Variants in ERC2 observed in about 807,000 individuals in gnomAD.
ERC2 encodes ERC protein 2.
ERC2 carries 42 observed loss-of-function variants against 114.8 expected under a neutral mutation model. That is an observed-to-expected ratio of 0.37 (90% confidence interval 0.29 to 0.47). The LOEUF is 0.47. Ranked by LOEUF, ERC2 falls within the 20% of genes least tolerant of loss-of-function variation. ERC2 has a pLI of 0.99. For missense variants in ERC2, 939 were observed against 1,150.7 expected, an observed-to-expected ratio of 0.82 and a Z score of 2.66; for synonymous variants, 454 against 425.5, an observed-to-expected ratio of 1.07 and a Z score of -0.82.
intron 7 of ERC2, among the ~76,000 whole-genome samples, chr3:56,055,416 A>G (rs1214201186): frequency 6.6e-6 from 1 of 152,100 alleles, no homozygotes; most frequent in African/African-American, 2.4e-5. Context: ...TTTTTTTCAG[A>G]CAATAAAATA....
In ERC2 at chr3:55,610,080, A is replaced by C. The variant is rs868632857; in HGVS notation, c.*39+73714T>G. On this transcript the variant is annotated intron_variant, in intron 17 of 17. Coordinates refer to ENST00000288221, the MANE Select transcript of ERC2 (RefSeq NM_015576.3). ...AAACACAAACAAAAAAAAAAAAAAA[A>C]AAAACAAGAATTCCTCTAATTTAAG... is the stretch of plus-strand genomic sequence containing the variant. 1.1e-4 allele frequency among the ~76,000 whole-genome samples: 17 copies of C among 151,944 alleles called. No individual in the cohort carries two copies. The South Asian group carries it at 2.5e-3, about 22-fold the overall frequency.
chr3:56,164,735 T>C (rs572279992), intron 4 of ERC2, among the ~76,000 whole-genome samples: 2 of 152,158 alleles, frequency 1.3e-5, no homozygotes, highest in South Asian at 2.1e-4. Context: ...ATTCTAATTA[T>C]TCACATCCTC....
intron 6 of ERC2, among the ~76,000 whole-genome samples, chr3:56,110,991 A>G (rs113380210): frequency 6.6e-6 from 1 of 152,020 alleles, no homozygotes; most frequent in African/African-American, 2.4e-5. Context: ...TGTCTCCCAG[A>G]TGTTTTCAAG....
In ERC2 at chr3:55,838,601, A is replaced by G. The variant is rs761915159; in HGVS notation, c.2564+49788T>C. Among the ~76,000 whole-genome samples the G allele has an allele frequency of 5.1e-4, 77 of 152,116 alleles. 1 individual carries two copies. Among genetic ancestry groups the G allele is most frequent in the South Asian group, 8.3e-4 (4 of 4,832 alleles). On this transcript the variant is annotated intron_variant, in intron 14 of 17. Coordinates refer to ENST00000288221, the MANE Select transcript of ERC2 (RefSeq NM_015576.3). Reference sequence around the variant, plus strand: ...ACTAAATGTTTTATTAGGAAACAAGAAAGGTCTATCAATCAAATTGAAATT... The same window carrying G: ...ACTAAATGTTTTATTAGGAAACAAGGAAGGTCTATCAATCAAATTGAAATT...
chr3:55,846,111 C>T (rs1391066855), intron 14 of ERC2, among the ~76,000 whole-genome samples: 3 of 152,156 alleles, frequency 2.0e-5, no homozygotes, highest in African/African-American at 4.8e-5. Context: ...AAGCCTAATA[C>T]CCAATAGTTA....
At chr3:55,829,183 T>G (rs1296938727) in intron 14 of ERC2, among the ~76,000 whole-genome samples, 2 of 152,052 alleles carry the variant, frequency 1.3e-5, no homozygotes, top group African/African-American at 4.8e-5. Flanking sequence ...GTAACCAATT[T>G]TGAAAGGAAA....
At chr3:55,937,148 C>T (rs2066494910) in intron 13 of ERC2, among the ~76,000 whole-genome samples, 1 of 152,152 alleles carries the variant, frequency 6.6e-6, no homozygotes, top group South Asian at 2.1e-4. Context: ...TGAGACCAGC[C>T]TGGCCAACAT....
At chr3:55,546,840 C>T (rs761366802) in intron 17 of ERC2, among the ~76,000 whole-genome samples, 8 of 152,190 alleles carry the variant, frequency 5.3e-5, no homozygotes, top group Non-Finnish European at 7.3e-5. Flanking sequence ...ATGTGGGAAA[C>T]GAGGAGTTTG....
intron 14 of ERC2, among the ~76,000 whole-genome samples, chr3:55,810,465 C>CTTTTTTTTTTTTTTTTTTT (rs11318195): frequency 6.8e-6 from 1 of 146,422 alleles, no homozygotes. Context: ...CTCTCTCCCT[C>CTTTTTTTTTTTTTTTTTTT]TTTTTTTTTT....
chr3:56,325,650 G>A (rs2057329382), intron 2 of ERC2, among the ~76,000 whole-genome samples: 1 of 152,122 alleles, frequency 6.6e-6, no homozygotes, highest in East Asian at 1.9e-4. Flanking sequence ...GATGCTGTAT[G>A]GATCTTGTCA....
chr3:55,864,318 TAA>T (rs1342266507), intron 14 of ERC2, among the ~76,000 whole-genome samples: 1 of 150,756 alleles, frequency 6.6e-6, no homozygotes, highest in African/African-American at 2.4e-5. Context: ...TTAATCCAGA[TAA>T]AGTTTTTGTT....
chr3:55,555,926 C>CT (rs2055575255), intron 17 of ERC2, among the ~76,000 whole-genome samples: 2 of 152,202 alleles, frequency 1.3e-5, no homozygotes, highest in African/African-American at 2.4e-5. Context: ...TCCAAAGTGA[C>CT]TGTACCCAGG....
At chr3:55,877,629 A>C (rs1458435007) in intron 14 of ERC2, among the ~76,000 whole-genome samples, 4 of 151,032 alleles carry the variant, frequency 2.6e-5, no homozygotes, top group Non-Finnish European at 5.9e-5. Context: ...CTCCCATCTC[A>C]GCCTCCCGAG....
chr3:55,512,450 C>T (rs561648712), intron 17 of ERC2, among the ~76,000 whole-genome samples: 1 of 152,284 alleles, frequency 6.6e-6, no homozygotes, highest in East Asian at 1.9e-4. Flanking sequence ...AGTCAGAGCA[C>T]GCTTTCTGTT....
At chr3:56,173,254 A>T (rs544074162) in intron 4 of ERC2, among the ~76,000 whole-genome samples, 192 bp downstream of exon 4, 1 of 152,332 alleles carries the variant, frequency 6.6e-6, no homozygotes, top group South Asian at 2.1e-4. Context: ...TCTTTTGCCC[A>T]GAAAAGGCAT....
intron 2 of ERC2, among the ~76,000 whole-genome samples, chr3:56,378,062 A>G (rs1200522834): frequency 6.6e-6 from 1 of 152,020 alleles, no homozygotes; most frequent in East Asian, 1.9e-4. Context: ...GAAGCTCAAT[A>G]CCTTCCATTT....
At chr3:56,413,004 T>G (rs2061001631) in intron 2 of ERC2, among the ~76,000 whole-genome samples, 1 of 152,216 alleles carries the variant, frequency 6.6e-6, no homozygotes, top group African/African-American at 2.4e-5. Flanking sequence ...AGGTAATATC[T>G]ATCACCCTCA....
In ERC2 at chr3:56,398,483, A is replaced by G. The variant is rs533591376; in HGVS notation, c.657+35868T>C. On this transcript the variant is annotated intron_variant, in intron 2 of 17. Transcript: ENST00000288221. Reference sequence around the variant, plus strand: ...ATGTCACAGGTAACATTTGAGACATACTTATACTAGAAAAGTATCCCTTGT... The same window carrying G: ...ATGTCACAGGTAACATTTGAGACATGCTTATACTAGAAAAGTATCCCTTGT... Among the ~76,000 whole-genome samples, 3 of 152,286 alleles carry G rather than the reference A, an allele frequency of 2.0e-5. No individual in the cohort carries two copies. In the South Asian group the frequency reaches 6.2e-4, roughly 32 times the overall value.
intron 12 of ERC2, among the ~76,000 whole-genome samples, chr3:55,979,968 T>C (rs2069948831): frequency 2.0e-5 from 3 of 150,388 alleles, no homozygotes; most frequent in Admixed American, 6.6e-5. Flanking sequence ...CTTTTTTTTT[T>C]TTTTTTAAGG....
Sources: allele counts gnomAD v4.1 joint callset (sites outside exome capture counted in the v4.1 genomes callset), GRCh38; gene constraint gnomAD v4.1.1; transcripts MANE v1.5; gene names NCBI Gene and HGNC (gene_info 2026-07-23, HGNC 2026-07-21).